Variants in RBM19 observed in about 807,000 individuals in gnomAD.
RBM19 encodes probable RNA-binding protein 19.
RBM19 carries 94 observed loss-of-function variants against 116.8 expected under a neutral mutation model. That is an observed-to-expected ratio of 0.80 (90% CI 0.68 to 0.95). RBM19 has a LOEUF of 0.95. Among genes scored for constraint, RBM19 ranks in the 40% least tolerant of loss-of-function variants. The pLI is 0.00. For synonymous variants in RBM19, 475 were observed against 494.1 expected, an observed-to-expected ratio of 0.96 and a Z score of 0.51; for missense variants, 1,161 against 1,220.7, an observed-to-expected ratio of 0.95 and a Z score of 0.73.
rs761359846 is a variant in RBM19 at position 113,941,604 on chromosome 12, TCCATCCAA to T, written c.1737+712_1737+719del. On this transcript the variant is annotated intron_variant, in intron 14 of 23. Coordinates refer to ENST00000261741, the MANE Select transcript of RBM19 (RefSeq NM_016196.4). ...CATCCACCATCCATCCATCCATCCA[TCCATCCAA>T]CCATCAAGCCATCCATTCATCCACC... is the stretch of plus-strand genomic sequence containing the variant. Among the ~76,000 whole-genome samples, 21 of 140,050 alleles carry T rather than the reference TCCATCCAA, an allele frequency of 1.5e-4. No homozygotes were observed. The South Asian group carries it at 2.9e-3, about 20-fold the overall frequency. The allele number at this position is 140,050 out of a possible 152,430, so 91.9% of individuals were successfully genotyped here.
intron 13 of RBM19, among the ~76,000 whole-genome samples, chr12:113,945,374 T>C (rs1466331): frequency 0.68 from 104,082 of 152,074 alleles, 36,668 homozygotes; most frequent in East Asian, 0.98. Flanking sequence ...TCATGAGACA[T>C]GGTTCAGAGC....
At chr12:113,858,368 G>A (rs754078901) in intron 22 of RBM19, among the ~76,000 whole-genome samples, 4 of 152,344 alleles carry the variant, frequency 2.6e-5, no homozygotes, top group African/African-American at 4.8e-5. Flanking sequence ...AGGGGAAGAC[G>A]CATTCCCGTG....
chr12:113,849,031 T>C (rs1032189528), intron 22 of RBM19, among the ~76,000 whole-genome samples: 1 of 152,250 alleles, frequency 6.6e-6, no homozygotes, highest in Non-Finnish European at 1.5e-5. Flanking sequence ...AAGGTTTGTA[T>C]GCAGGTCAAC....
chr12:113,852,202 A>G (rs1004382860), intron 22 of RBM19, among the ~76,000 whole-genome samples: 1 of 152,116 alleles, frequency 6.6e-6, no homozygotes, highest in Non-Finnish European at 1.5e-5. Context: ...TGATCTCTGT[A>G]GGACTGTGCA....
chr12:113,933,349 T>C (rs1051787822), intron 16 of RBM19, among the ~76,000 whole-genome samples: 1 of 35,590 alleles, frequency 2.8e-5, no homozygotes, highest in African/African-American at 1.1e-4. Flanking sequence ...GCAAAGAGGG[T>C]GGGGGTGGGG....
At chr12:113,867,340 T>C (rs750200406) in intron 21 of RBM19, among the ~76,000 whole-genome samples, 1 of 152,226 alleles carries the variant, frequency 6.6e-6, no homozygotes, top group Non-Finnish European at 1.5e-5. Context: ...ATCATTCAGA[T>C]ACTATGGATC....
intron 21 of RBM19, among the ~76,000 whole-genome samples, chr12:113,907,946 G>A (rs975593091): frequency 6.6e-6 from 1 of 152,220 alleles, no homozygotes; most frequent in Non-Finnish European, 1.5e-5. Context: ...TCAGTGGTCA[G>A]TGGCTGTGAT....
At chr12:113,911,882 C>T (rs761500337) in intron 21 of RBM19, among the ~76,000 whole-genome samples, 1 of 152,170 alleles carries the variant, frequency 6.6e-6, no homozygotes, top group African/African-American at 2.4e-5. Flanking sequence ...AGTGTTACTA[C>T]CACTAGTTTA....
chr12:113,819,247 G>A (rs1359279209), downstream of RBM19, among the ~76,000 whole-genome samples: 3 of 152,166 alleles, frequency 2.0e-5, no homozygotes, highest in Admixed American at 6.5e-5. Flanking sequence ...CGGGTCACAG[G>A]CCTCATCCAG....
chr12:113,951,493 T>C (rs761753780), intron 8 of RBM19, among the ~76,000 whole-genome samples: 16 of 152,130 alleles, frequency 1.1e-4, no homozygotes, highest in Non-Finnish European at 2.2e-4. Context: ...GAGCCATTCA[T>C]GCAACTTGGT....
At chr12:113,955,617 T>C (rs963961057) in intron 6 of RBM19, among the ~76,000 whole-genome samples, 1 of 152,140 alleles carries the variant, frequency 6.6e-6, no homozygotes, top group Non-Finnish European at 1.5e-5. Flanking sequence ...AACAATCCCA[T>C]GGGGATTATG....
In RBM19 at chr12:113,824,208, G is replaced by A. The variant is rs147832475; in HGVS notation, c.2786-887C>T. On this transcript the variant is annotated intron_variant, in intron 23 of 23. Transcript: ENST00000261741. ...GGTATGCTGCCTCTTGTAGGAGACG[G>A]AACTGAGGCACGGACAGGCAGGTCT... Among the ~76,000 whole-genome samples, 359 of 152,318 alleles carry A rather than the reference G, an allele frequency of 2.4e-3. 1 individual carries two copies. The highest frequency in any genetic ancestry group is 5.0e-3 in the South Asian group (24 of 4,830).
intron 20 of RBM19, 58 bp from the exon 21 acceptor site, chr12:113,915,143 A>G: frequency 7.5e-7 from 1 of 1,328,186 alleles, no homozygotes; most frequent in Non-Finnish European, 1.1e-6. Flanking sequence ...CTCCTGCCCA[A>G]CATTGACTCC....
Position 113,825,239 on chromosome 12 carries a change from G to A in RBM19, c.2786-1918C>T, listed in dbSNP as rs2135679317. ...CCTGCCCCATGGTGAGCGTGCAGAA[G>A]GTGCGGGAGGTGCCCACCTGCCTGC... On this transcript the variant is annotated intron_variant, in intron 23 of 23. Transcript: ENST00000261741. This position sits in a 1 kb window ranked among gnomAD's most constrained non-coding sequence, Gnocchi z 5.7. 6.6e-6 allele frequency among the ~76,000 whole-genome samples: 1 copy of A among 152,288 alleles called. No individual in the cohort carries two copies. Among genetic ancestry groups the A allele is most frequent in the Non-Finnish European group, 1.5e-5 (1 of 68,022 alleles).
intron 16 of RBM19, among the ~76,000 whole-genome samples, chr12:113,927,593 A>G (rs1203522414): frequency 1.1e-5 from 1 of 92,416 alleles, no homozygotes; most frequent in African/African-American, 4.4e-5. Context: ...TCAAAAAACA[A>G]AAAAAAAAAA....
At chr12:113,958,798 G>A (rs1236047781) in intron 5 of RBM19, among the ~76,000 whole-genome samples, 1 of 150,278 alleles carries the variant, frequency 6.7e-6, no homozygotes, top group Admixed American at 6.6e-5. Context: ...ACCTCCTCAG[G>A]GAGGCCTTCC....
downstream of RBM19, among the ~76,000 whole-genome samples, chr12:113,821,193 C>T (rs1874392700): frequency 6.6e-6 from 1 of 152,160 alleles, no homozygotes; most frequent in Non-Finnish European, 1.5e-5. Context: ...CACCCCGCAC[C>T]AAGCCCTGGA....
rs552072584 is a variant in RBM19 at position 113,933,198 on chromosome 12, A to C, written c.2068+3809T>G. Among the ~76,000 whole-genome samples the C allele has an allele frequency of 1.2e-4, 18 of 151,276 alleles. No homozygotes were observed. The East Asian group carries it at 2.7e-3, about 23-fold the overall frequency. On this transcript the variant is annotated intron_variant, in intron 16 of 23. Coordinates refer to ENST00000261741, the MANE Select transcript of RBM19 (RefSeq NM_016196.4). ...GGAAGGGGGTAAAATAAAAAAAAAA[A>C]GGTATGTCCACTCCCCTCCTACTCT...
Position 113,890,955 on chromosome 12 carries a change from T to C in RBM19, c.2558+24014A>G, listed in dbSNP as rs114607178. ...GACTACAGGTGCATACCACTATGCC[T>C]GGCTAATATTTCAATTTTTTTTTTT... On this transcript the variant is annotated intron_variant, in intron 21 of 23. Coordinates refer to ENST00000261741, the MANE Select transcript of RBM19 (RefSeq NM_016196.4). Among the ~76,000 whole-genome samples the C allele has an allele frequency of 5.5e-3, 841 of 152,042 alleles. 5 individuals carry two copies. The highest frequency in any genetic ancestry group is 0.019 in the African/African-American group (785 of 41,414).
Sources: allele counts gnomAD v4.1 joint callset (sites outside exome capture counted in the v4.1 genomes callset), GRCh38; gene constraint gnomAD v4.1.1; non-coding constraint Gnocchi (gnomAD v3.1); transcripts MANE v1.5; gene names NCBI Gene and HGNC (gene_info 2026-07-23, HGNC 2026-07-21).